DMD: variants seen among roughly 807,000 people sequenced by gnomAD.
DMD encodes the protein dystrophin.
A neutral mutation model predicts 330.1 loss-of-function variants in DMD; 63 were observed. The observed-to-expected ratio is 0.19, with a 90% CI of 0.16 to 0.24. DMD has a LOEUF of 0.24. Among genes scored for constraint, DMD ranks in the 10% least tolerant of loss-of-function variants. DMD has a pLI of 1.00. For missense variants in DMD, 3,344 were observed against 2,684.1 expected (o/e 1.25, Z -5.43); for synonymous variants, 1,223 against 959.8 (o/e 1.27, Z -5.07).
At chrX:31,283,773 T>C (rs901388054) in intron 62 of DMD, among the ~76,000 whole-genome samples, 5 of 111,956 alleles carry the variant, frequency 4.5e-5, no homozygotes, top group African/African-American at 1.6e-4. Context: ...TTAACGGCAA[T>C]GCTGTAACAC....
At chrX:32,173,718 A>C (rs1461470774) in intron 44 of DMD, among the ~76,000 whole-genome samples, 1 of 111,900 alleles carries the variant, frequency 8.9e-6, no homozygotes, top group Non-Finnish European at 1.9e-5. Flanking sequence ...AAATATTTTA[A>C]AGATATTTTT....
At chrX:32,525,137 G>C (rs746117936) in intron 17 of DMD, among the ~76,000 whole-genome samples, 11 of 111,463 alleles carry the variant, frequency 9.9e-5, no homozygotes, top group Non-Finnish European at 2.1e-4. Flanking sequence ...TTCAAGCTCT[G>C]AGCTATTCCT....
chrX:32,405,906 T>G (rs2098114534), intron 30 of DMD, among the ~76,000 whole-genome samples: 1 of 111,702 alleles, frequency 9.0e-6, no homozygotes, highest in Non-Finnish European at 1.9e-5. Context: ...CTTCCATTTG[T>G]TTGTATCCTC....
chrX:32,786,732 T>C (rs2075390661), intron 7 of DMD, among the ~76,000 whole-genome samples: 1 of 111,902 alleles, frequency 8.9e-6, no homozygotes, highest in Non-Finnish European at 1.9e-5. Flanking sequence ...AAGAGAGGAA[T>C]ATTCTGCCAT....
chrX:32,554,856 G>GAAA (rs2050025983), intron 16 of DMD, among the ~76,000 whole-genome samples: 7 of 68,041 alleles, frequency 1.0e-4, no homozygotes, highest in Non-Finnish European at 1.9e-4. Flanking sequence ...GAGAGAGAGA[G>GAAA]AGAGAGAGAG....
intron 29 of DMD, among the ~76,000 whole-genome samples, chrX:32,429,387 GTTT>G (rs10692022): frequency 2.6e-3 from 113 of 44,184 alleles, no homozygotes; most frequent in Non-Finnish European, 3.5e-3. Flanking sequence ...TTTTTTTTGG[GTTT>G]TTTTTTTTTT....
At chrX:33,061,108 T>C (rs921913756) in intron 1 of DMD, among the ~76,000 whole-genome samples, 9 of 112,427 alleles carry the variant, frequency 8.0e-5, no homozygotes, top group Admixed American at 1.9e-4. Flanking sequence ...ATCCGTTATA[T>C]AAATTATACA....
intron 43 of DMD, among the ~76,000 whole-genome samples, chrX:32,280,144 G>GTATATATA (rs200390755): frequency 4.3e-5 from 2 of 46,158 alleles, no homozygotes; most frequent in East Asian, 6.0e-4. Context: ...TATATATACA[G>GTATATATA]TATATATATA....
intron 47 of DMD, among the ~76,000 whole-genome samples, chrX:31,903,048 T>C (rs2094441438): frequency 1.8e-5 from 2 of 111,600 alleles, no homozygotes; most frequent in Non-Finnish European, 3.8e-5. Context: ...AACAATGACA[T>C]CCAATAAAAT....
chrX:32,580,509 C>A (rs2053543973), intron 13 of DMD, among the ~76,000 whole-genome samples: 1 of 111,732 alleles, frequency 8.9e-6, no homozygotes, highest in Non-Finnish European at 1.9e-5. Context: ...ACAGACTCTC[C>A]TAGACAGGTA....
intron 1 of DMD, chrX:33,128,487 G>A (rs1375859236): frequency 1.4e-5 from 12 of 876,847 alleles, no homozygotes; most frequent in Non-Finnish European, 1.4e-5. Context: ...CAATCTACCT[G>A]ATTACGTTCC....
chrX:32,372,680 T>G (rs1289320979), intron 34 of DMD, among the ~76,000 whole-genome samples: 1 of 111,368 alleles, frequency 9.0e-6, no homozygotes, highest in Non-Finnish European at 1.9e-5. Context: ...TTTACCCTCT[T>G]TAATACTACT....
At chrX:31,508,186 T>C (rs774253520) in intron 55 of DMD, 7 of 1,166,641 alleles carry the variant, frequency 6.0e-6, no homozygotes, top group Non-Finnish European at 5.8e-6. Flanking sequence ...TCAAGAAAAT[T>C]ATTATAGTAG....
At chrX:32,449,583 G>GTTT in intron 26 of DMD, among the ~76,000 whole-genome samples, 2 of 95,852 alleles carry the variant, frequency 2.1e-5, no homozygotes, top group Middle Eastern at 0.01. Context: ...ATCCTACAAT[G>GTTT]TTTTTTTTTT....
chrX:33,158,557 T>C (rs1002984773), intron 1 of DMD, among the ~76,000 whole-genome samples: 4 of 111,838 alleles, frequency 3.6e-5, no homozygotes, highest in African/African-American at 1.3e-4. Context: ...TGTGCCATAA[T>C]AGATAATCCT....
intron 44 of DMD, among the ~76,000 whole-genome samples, chrX:32,183,048 G>A (rs1478063867): frequency 9.0e-6 from 1 of 111,633 alleles, no homozygotes; most frequent in African/African-American, 3.3e-5. Flanking sequence ...AAAAAACATA[G>A]GCTAGAGTTT....
At chrX:31,558,070 T>C (rs1014644284) in intron 55 of DMD, among the ~76,000 whole-genome samples, 6 of 112,116 alleles carry the variant, frequency 5.4e-5, no homozygotes, top group Admixed American at 1.9e-4. Context: ...CTTATAACAA[T>C]GACAGAAATT....
At chrX:32,429,524 T>C (rs1160301697) in intron 29 of DMD, among the ~76,000 whole-genome samples, 1 of 107,072 alleles carries the variant, frequency 9.3e-6, no homozygotes, top group East Asian at 2.9e-4. Context: ...GCTGGTATTT[T>C]TCTACCATCT....
chrX:33,263,674 AGAT>A (rs1179514883), intron 1 of DMD, among the ~76,000 whole-genome samples: 2 of 109,602 alleles, frequency 1.8e-5, no homozygotes, highest in African/African-American at 3.3e-5. Context: ...ATCTATAAAA[AGAT>A]GAATATGACA....
Sources: gnomAD v4.1 joint callset for allele counts (sites outside exome capture counted in the v4.1 genomes callset) on GRCh38, gnomAD v4.1.1 for gene constraint, MANE v1.5 for transcripts, NCBI Gene and HGNC (gene_info 2026-07-23, HGNC 2026-07-21) for gene names.